FBXW7: variants seen among roughly 807,000 people sequenced by gnomAD.
FBXW7 encodes F-box/WD repeat-containing protein 7.
Under a neutral mutation model 86.3 loss-of-function variants are expected in FBXW7, and 11 were observed. The observed-to-expected ratio is 0.13, with a 90% CI of 0.08 to 0.21. The LOEUF (loss-of-function observed/expected upper bound fraction) is 0.21, where lower values mean the gene tolerates loss of function less well. FBXW7 is among the 10% of genes least tolerant of loss of function. The probability of loss-of-function intolerance (pLI) is 1.00; values close to 1 mark genes in which losing one functional copy is unlikely to be tolerated. For missense variants in FBXW7, 488 were observed against 847.4 expected (o/e 0.58, Z 5.27); for synonymous variants, 313 against 297.9 (o/e 1.05, Z -0.52).
chr4:152,455,226 GTATGTATAAA>G (rs1388829742), intron 2 of FBXW7, among the ~76,000 whole-genome samples: 1 of 152,194 alleles, frequency 6.6e-6, no homozygotes, highest in Non-Finnish European at 1.5e-5. Flanking sequence ...AACTGCAAAT[GTATGTATAAA>G]TGATTGCTGC....
chr4:152,535,668 C>CT lies in FBXW7; in HGVS notation c.-755dup. 1 of 396,350 alleles carries CT rather than the reference C, an allele frequency of 2.5e-6. No individual in the cohort carries two copies. Among genetic ancestry groups the CT allele is most frequent in the South Asian group, 1.3e-4 (1 of 7,882 alleles). The allele number at this position is 396,350 out of a possible 1,614,324, so 24.6% of individuals were successfully genotyped here. A position where few individuals can be genotyped will look rare whatever the true frequency, so the allele number is the denominator to read the frequency against. On this transcript the variant is annotated 5_prime_UTR_variant, in exon 1 of 14. Transcript: ENST00000281708. The stretch of plus-strand genomic sequence containing the variant: ...ATGTGTCGCTGCGGCTGGGACCCCC[C>CT]TCCCTACACCTTGGGGGTCTCGCCC...
At chr4:152,485,055 CA>C (rs1441200629) in intron 2 of FBXW7, among the ~76,000 whole-genome samples, 1 of 149,632 alleles carries the variant, frequency 6.7e-6, no homozygotes, top group Non-Finnish European at 1.5e-5. Context: ...GTAATGACAA[CA>C]AAAATACCAA....
chr4:152,505,278 G>A (rs1199174134), intron 2 of FBXW7, among the ~76,000 whole-genome samples: 1 of 152,140 alleles, frequency 6.6e-6, no homozygotes, highest in Admixed American at 6.5e-5. Context: ...TGAAGGCCTA[G>A]GACATTATTG....
At chr4:152,415,940 C>T (rs1738390556) in intron 2 of FBXW7, among the ~76,000 whole-genome samples, 1 of 152,096 alleles carries the variant, frequency 6.6e-6, no homozygotes, top group Non-Finnish European at 1.5e-5. Flanking sequence ...CCCAGCATCA[C>T]CTTCTCTTTT....
intron 4 of FBXW7, chr4:152,352,372 T>G: frequency 6.8e-7 from 1 of 1,477,970 alleles, no homozygotes; most frequent in Non-Finnish European, 9.2e-7. Context: ...CCACCAAAAT[T>G]AGAGGATACT....
intron 2 of FBXW7, among the ~76,000 whole-genome samples, chr4:152,429,599 A>C (rs934012126): frequency 6.6e-6 from 1 of 152,204 alleles, no homozygotes; most frequent in Non-Finnish European, 1.5e-5. Flanking sequence ...GCTGGAAGAC[A>C]GCTTGGCTTA....
intron 2 of FBXW7, among the ~76,000 whole-genome samples, chr4:152,531,518 T>G (rs1428598239): frequency 6.6e-6 from 1 of 150,930 alleles, no homozygotes; most frequent in Non-Finnish European, 1.5e-5. Flanking sequence ...GCCGCAAAAA[T>G]GTCTACATTT....
intron 4 of FBXW7, among the ~76,000 whole-genome samples, chr4:152,373,536 G>T (rs1734194132): frequency 6.6e-6 from 1 of 151,904 alleles, no homozygotes; most frequent in Non-Finnish European, 1.5e-5. Flanking sequence ...ACGGCAAGAT[G>T]TAATTTGCAG....
chr4:152,430,360 A>T (rs1739774728), intron 2 of FBXW7, among the ~76,000 whole-genome samples: 1 of 152,078 alleles, frequency 6.6e-6, no homozygotes, highest in Non-Finnish European at 1.5e-5. Flanking sequence ...AGGTGTGTCC[A>T]GAAATACTGT....
chr4:152,527,889 C>CATATATATAT (rs1227028654), intron 2 of FBXW7, among the ~76,000 whole-genome samples: 1 of 151,582 alleles, frequency 6.6e-6, no homozygotes, highest in African/African-American at 2.4e-5. Flanking sequence ...CACACACACA[C>CATATATATAT]ACACACACAC....
At chr4:152,444,022 C>T (rs1396101018) in intron 2 of FBXW7, among the ~76,000 whole-genome samples, 3 of 150,872 alleles carry the variant, frequency 2.0e-5, no homozygotes, top group South Asian at 2.1e-4. Context: ...CTCTACAAAG[C>T]GTTCTCTACA....
chr4:152,393,088 A>C (rs1736128626), intron 4 of FBXW7, among the ~76,000 whole-genome samples: 1 of 152,180 alleles, frequency 6.6e-6, no homozygotes, highest in Non-Finnish European at 1.5e-5. Flanking sequence ...AGATCTGAAA[A>C]GCCCTTTTAG....
intron 4 of FBXW7, among the ~76,000 whole-genome samples, chr4:152,368,927 C>T (rs1657498241): frequency 6.6e-6 from 1 of 152,014 alleles, no homozygotes; most frequent in Non-Finnish European, 1.5e-5. Context: ...GATAGTCGCA[C>T]TGAATGAATC....
intron 6 of FBXW7, among the ~76,000 whole-genome samples, chr4:152,340,320 G>A (rs1469693695): frequency 6.6e-6 from 1 of 152,110 alleles, no homozygotes; most frequent in Non-Finnish European, 1.5e-5. Flanking sequence ...GCTCATGCCT[G>A]TAATCCCACC....
chr4:152,529,646 C>A (rs1749830994), intron 2 of FBXW7, among the ~76,000 whole-genome samples: 1 of 152,116 alleles, frequency 6.6e-6, no homozygotes, highest in Admixed American at 6.5e-5. Context: ...CTGAACAACA[C>A]ATGTGAGAAA....
chr4:152,483,978 G>A (rs1260571132), intron 2 of FBXW7, among the ~76,000 whole-genome samples: 1 of 151,876 alleles, frequency 6.6e-6, no homozygotes, highest in Non-Finnish European at 1.5e-5. Context: ...CAAACTTCCC[G>A]AACTTCTCAA....
chr4:152,364,875 AC>A (rs1733321525), intron 4 of FBXW7, among the ~76,000 whole-genome samples: 1 of 152,158 alleles, frequency 6.6e-6, no homozygotes, highest in African/African-American at 2.4e-5. Context: ...TAATTACAAC[AC>A]ATGCAGATTT....
intron 2 of FBXW7, among the ~76,000 whole-genome samples, chr4:152,493,949 GAATA>G (rs751132423): frequency 2.6e-5 from 4 of 152,172 alleles, no homozygotes; most frequent in Non-Finnish European, 5.9e-5. Context: ...ACAGTGGAAT[GAATA>G]AACTAAACAG....
At chr4:152,398,771 T>C (rs1455802461) in intron 4 of FBXW7, among the ~76,000 whole-genome samples, 1 of 151,964 alleles carries the variant, frequency 6.6e-6, no homozygotes, top group Admixed American at 6.6e-5. Context: ...AAATTATGTC[T>C]CTCAGAAGAG....
Sources: gnomAD v4.1 joint callset for allele counts (sites outside exome capture counted in the v4.1 genomes callset) on GRCh38, gnomAD v4.1.1 for gene constraint, MANE v1.5 for transcripts, NCBI Gene and HGNC (gene_info 2026-07-23, HGNC 2026-07-21) for gene names.